CA10: variants seen among roughly 807,000 people sequenced by gnomAD.
The protein encoded by CA10 is carbonic anhydrase-related protein 10.
A neutral mutation model predicts 44.2 loss-of-function variants in CA10; 14 were observed. The observed-to-expected ratio is 0.32, with a 90% CI of 0.21 to 0.50. CA10 has a LOEUF of 0.50. Ranked by LOEUF, CA10 falls within the 20% of genes least tolerant of loss-of-function variation. The pLI is 0.99. For synonymous variants in CA10, 159 were observed against 141.6 expected (o/e 1.12, Z -0.87); for missense variants, 350 against 409.7 (o/e 0.85, Z 1.26).
At chr17:52,006,686 T>G (rs966117457) in intron 2 of CA10, among the ~76,000 whole-genome samples, 2 of 151,898 alleles carry the variant, frequency 1.3e-5, no homozygotes, top group Admixed American at 1.3e-4. Flanking sequence ...TGCTGCAATT[T>G]GCTTTTTCAC....
chr17:51,846,304 C>A (rs1978490196), intron 3 of CA10, among the ~76,000 whole-genome samples: 1 of 152,232 alleles, frequency 6.6e-6, no homozygotes, highest in Admixed American at 6.5e-5. Flanking sequence ...AGAGGAGAAG[C>A]AAATCCATTT....
chr17:52,141,672 A>C (rs575663776), intron 1 of CA10, among the ~76,000 whole-genome samples: 2 of 152,262 alleles, frequency 1.3e-5, no homozygotes, highest in African/African-American at 4.8e-5. Context: ...AGTTGTAAAC[A>C]AACAGGTTGT....
Position 51,700,586 on chromosome 17 carries a change from G to A in CA10, c.466-46850C>T, listed in dbSNP as rs117270968. 1.6e-3 allele frequency among the ~76,000 whole-genome samples: 244 copies of A among 152,202 alleles called. 4 individuals are homozygous for A. In the East Asian group the frequency reaches 0.027, roughly 17 times the overall value. On this transcript the variant is annotated intron_variant, in intron 4 of 8. Transcript: ENST00000451037. ...CCCCCTCATGGCCTTCCATCTGCTC[G>A]TCTCACCTTCACGTCTCCGTGAAGC...
intron 4 of CA10, among the ~76,000 whole-genome samples, chr17:51,686,247 T>C (rs541186500): frequency 3.3e-5 from 5 of 152,308 alleles, no homozygotes; most frequent in African/African-American, 1.2e-4. Flanking sequence ...TTGTGAGGCC[T>C]TCCCAGCTAT....
chr17:52,073,280 G>C (rs1987734285), intron 1 of CA10, among the ~76,000 whole-genome samples: 1 of 152,078 alleles, frequency 6.6e-6, no homozygotes, highest in South Asian at 2.1e-4. Context: ...CTAGGGAAAA[G>C]ACTCATCATT....
In CA10 at chr17:52,072,509, T is replaced by C. The variant is rs987785509; in HGVS notation, c.62-116A>G. On this transcript the variant is annotated intron_variant, in intron 1 of 8. Transcript: ENST00000451037. ...ATAACCCTTTTCTACCCCAAAGTCA[T>C]ACTACAACAGAACCTTCCTTCTCCC... The C allele has an allele frequency of 1.4e-5, 9 of 657,598 alleles. No individual in the cohort carries two copies. The African/African-American group carries it at 1.5e-4, about 11-fold the overall frequency. 40.7% of individuals were successfully genotyped at this position (657,598 alleles called of 1,614,324 possible).
intron 3 of CA10, among the ~76,000 whole-genome samples, chr17:51,850,204 T>C (rs1978728273): frequency 1.3e-5 from 2 of 152,230 alleles, no homozygotes; most frequent in South Asian, 4.1e-4. Context: ...TGGAAAAGCA[T>C]TTCTATGAAA....
At chr17:51,984,323 A>G (rs1049721322) in intron 2 of CA10, among the ~76,000 whole-genome samples, 1 of 151,914 alleles carries the variant, frequency 6.6e-6, no homozygotes. Context: ...AAATAATGAC[A>G]CAACCTACCA....
chr17:51,807,515 T>C (rs1467274849), intron 3 of CA10, among the ~76,000 whole-genome samples: 1 of 152,214 alleles, frequency 6.6e-6, no homozygotes, highest in African/African-American at 2.4e-5. Context: ...CACTAATTTG[T>C]AGAACACTTA....
chr17:51,994,484 G>A (rs1017233558), intron 2 of CA10, among the ~76,000 whole-genome samples: 10 of 152,038 alleles, frequency 6.6e-5, no homozygotes, highest in African/African-American at 9.7e-5. Flanking sequence ...GTTTGCAGAA[G>A]TCCTGAGAGA....
intron 3 of CA10, among the ~76,000 whole-genome samples, chr17:51,866,562 G>T (rs1475961608): frequency 6.6e-6 from 1 of 152,150 alleles, no homozygotes; most frequent in Non-Finnish European, 1.5e-5. Flanking sequence ...TAAGACCTCT[G>T]CCTCTTAATT....
chr17:51,683,736 C>T (rs1015335721), intron 4 of CA10, among the ~76,000 whole-genome samples: 5 of 152,200 alleles, frequency 3.3e-5, no homozygotes, highest in East Asian at 1.9e-4. Context: ...CAAGAAACCC[C>T]GGGACAAGCC....
intron 3 of CA10, among the ~76,000 whole-genome samples, chr17:51,817,989 A>G (rs1226432296): frequency 1.3e-5 from 2 of 152,128 alleles, no homozygotes; most frequent in African/African-American, 4.8e-5. Context: ...TTTCTCCATC[A>G]TTTTCACTGC....
chr17:52,153,226 T>C (rs1378549785), intron 1 of CA10, among the ~76,000 whole-genome samples: 1 of 152,170 alleles, frequency 6.6e-6, no homozygotes, highest in Non-Finnish European at 1.5e-5. Flanking sequence ...GATGGTTATC[T>C]GTCAGTAACT....
At chr17:51,915,935 G>T (rs1436106211) in intron 3 of CA10, among the ~76,000 whole-genome samples, 1 of 151,292 alleles carries the variant, frequency 6.6e-6, no homozygotes, top group East Asian at 1.9e-4. Context: ...TTGGCATAGG[G>T]CTATTTCCTC....
chr17:51,879,631 A>T (rs1202841621), intron 3 of CA10, among the ~76,000 whole-genome samples: 1 of 152,238 alleles, frequency 6.6e-6, no homozygotes, highest in Non-Finnish European at 1.5e-5. Flanking sequence ...CAAGTAAGAT[A>T]GGCTTGGCTG....
intron 2 of CA10, among the ~76,000 whole-genome samples, chr17:51,981,137 A>AC (rs1355826139): frequency 1.3e-5 from 2 of 152,042 alleles, no homozygotes; most frequent in African/African-American, 4.8e-5. Context: ...TTACAGATAT[A>AC]CCTACCATAA....
At chr17:51,654,438 C>G (rs1913706902) in intron 4 of CA10, among the ~76,000 whole-genome samples, 1 of 152,138 alleles carries the variant, frequency 6.6e-6, no homozygotes, top group Admixed American at 6.5e-5. Flanking sequence ...GATCAAGTTA[C>G]CCCACATCAC....
At chr17:51,897,619 G>C (rs1334374279) in intron 3 of CA10, among the ~76,000 whole-genome samples, 1 of 152,090 alleles carries the variant, frequency 6.6e-6, no homozygotes, top group African/African-American at 2.4e-5. Context: ...TTGGTAATTT[G>C]ACAGGAGTAG....
Sources: gnomAD v4.1 joint callset for allele counts (sites outside exome capture counted in the v4.1 genomes callset) on GRCh38, gnomAD v4.1.1 for gene constraint, MANE v1.5 for transcripts, NCBI Gene and HGNC (gene_info 2026-07-23, HGNC 2026-07-21) for gene names.